HTR2A: variants seen among roughly 807,000 people sequenced by gnomAD.
HTR2A encodes the protein 5-hydroxytryptamine receptor 2A.
A neutral mutation model predicts 31.0 loss-of-function variants in HTR2A; 14 were observed. The observed-to-expected ratio is 0.45, with a 90% CI of 0.30 to 0.71. HTR2A has a LOEUF of 0.71. Among genes scored for constraint, HTR2A ranks in the 30% least tolerant of loss-of-function variants. The pLI is 0.09. For missense variants in HTR2A, 442 were observed against 573.3 expected, an observed-to-expected ratio of 0.77 and a Z score of 2.34; for synonymous variants, 209 against 225.2, an observed-to-expected ratio of 0.93 and a Z score of 0.64.
At chr13:46,852,728 C>G (rs951190768) in intron 3 of HTR2A, among the ~76,000 whole-genome samples, 2 of 152,188 alleles carry the variant, frequency 1.3e-5, no homozygotes, top group African/African-American at 4.8e-5. Context: ...CTTTCCTTGG[C>G]CTGTCCACAT....
At chr13:46,842,448 G>A (rs568961850) in intron 3 of HTR2A, among the ~76,000 whole-genome samples, 3 of 152,090 alleles carry the variant, frequency 2.0e-5, no homozygotes, top group African/African-American at 4.8e-5. Flanking sequence ...TAGAAGGTGT[G>A]GGGAGAAACA....
Position 46,832,254 on chromosome 13 carries a change from A to C in HTR2A, c.*2583T>G, listed in dbSNP as rs1483015080. The C allele has an allele frequency of 6.6e-6, 1 of 152,264 alleles. No homozygotes were observed. Among genetic ancestry groups the C allele is most frequent in the Non-Finnish European group, 1.5e-5 (1 of 68,046 alleles). The allele number at this position is 152,264 out of a possible 1,614,324, so 9.4% of individuals were successfully genotyped here. A position where few individuals can be genotyped will look rare whatever the true frequency, so the allele number is the denominator to read the frequency against. On this transcript the variant is annotated 3_prime_UTR_variant, in exon 4 of 4. Coordinates refer to ENST00000542664, the MANE Select transcript of HTR2A (RefSeq NM_000621.5). ...TATTAGAACATGAATTCACATTTAA[A>C]TAAACATGATACAAACATGCACACA...
intron 3 of HTR2A, among the ~76,000 whole-genome samples, chr13:46,890,985 C>T (rs1303497154): frequency 6.6e-6 from 1 of 152,096 alleles, no homozygotes; most frequent in Non-Finnish European, 1.5e-5. Flanking sequence ...AGAATGAGTC[C>T]AACTTGCACA....
intron 3 of HTR2A, among the ~76,000 whole-genome samples, chr13:46,873,650 T>C (rs559676505): frequency 6.6e-6 from 1 of 151,922 alleles, no homozygotes; most frequent in South Asian, 2.1e-4. Flanking sequence ...CCTGTGTCCA[T>C]GTGTTCTCAT....
intron 3 of HTR2A, among the ~76,000 whole-genome samples, chr13:46,883,519 G>A (rs757118925): frequency 3.3e-5 from 5 of 152,076 alleles, no homozygotes; most frequent in Non-Finnish European, 7.3e-5. Flanking sequence ...GTCAGAATAC[G>A]GCAATGTGAG....
intron 3 of HTR2A, among the ~76,000 whole-genome samples, chr13:46,850,393 TGCTGATGAGAAAGTGGAA>T: frequency 6.6e-6 from 1 of 152,346 alleles, no homozygotes; most frequent in South Asian, 2.1e-4. Context: ...TATCACTGTT[TGCTGATGAGAAAGTGGAA>T]GCACAGAGAA....
intron 3 of HTR2A, among the ~76,000 whole-genome samples, chr13:46,844,800 C>T (rs1950628274): frequency 6.6e-6 from 1 of 152,216 alleles, no homozygotes; most frequent in Non-Finnish European, 1.5e-5. Context: ...GCTTAACTTT[C>T]AAGCTTCCAT....
At chr13:46,875,056 GA>G (rs551370169) in intron 3 of HTR2A, among the ~76,000 whole-genome samples, 4 of 152,282 alleles carry the variant, frequency 2.6e-5, no homozygotes, top group Admixed American at 2.6e-4. Context: ...GAACACCCCT[GA>G]GTAGACAGAC....
chr13:46,895,439 A>T lies in HTR2A; in HGVS notation c.412+56T>A. 1 of 1,530,354 alleles carries T rather than the reference A, an allele frequency of 6.5e-7. No homozygotes were observed. The allele number at this position is 1,530,354 out of a possible 1,614,324, so 94.8% of individuals were successfully genotyped here. On this transcript the variant is annotated intron_variant, in intron 2 of 3. Transcript: ENST00000542664. The surrounding 1 kb of genome is among the most constrained non-coding windows in gnomAD (Gnocchi z 4.4). ...GAGCCCCATCTCATCTGCTGGTGGC[A>T]TGCACATGCTCTTTATTACCAGTGC...
chr13:46,862,989 T>C (rs1950791865), intron 3 of HTR2A, among the ~76,000 whole-genome samples: 1 of 152,026 alleles, frequency 6.6e-6, no homozygotes, highest in Non-Finnish European at 1.5e-5. Flanking sequence ...TGATATTCTT[T>C]CTGGTATAAC....
intron 3 of HTR2A, among the ~76,000 whole-genome samples, chr13:46,862,462 C>T (rs1950787305): frequency 1.3e-5 from 2 of 152,040 alleles, no homozygotes; most frequent in Non-Finnish European, 2.9e-5. Context: ...GTTAATAAAA[C>T]AAAAACAGAA....
intron 3 of HTR2A, among the ~76,000 whole-genome samples, chr13:46,876,794 C>T (rs1054497852): frequency 1.3e-5 from 2 of 152,084 alleles, no homozygotes; most frequent in African/African-American, 4.8e-5. Context: ...TTCACTGAAT[C>T]CTCACTGTGT....
intron 3 of HTR2A, among the ~76,000 whole-genome samples, chr13:46,857,086 G>A (rs1936456450): frequency 6.6e-6 from 1 of 152,030 alleles, no homozygotes; most frequent in Admixed American, 6.5e-5. Flanking sequence ...TGGATCATGA[G>A]GTCAAGAGAT....
chr13:46,856,194 T>TA (rs1368834277), intron 3 of HTR2A: 2 of 152,358 alleles, frequency 1.3e-5, no homozygotes, highest in East Asian at 1.9e-4. Flanking sequence ...TTTAAATTTC[T>TA]AAAAATTCAT....
intron 3 of HTR2A, among the ~76,000 whole-genome samples, chr13:46,862,557 C>T (rs1197446007): frequency 3.3e-5 from 5 of 152,078 alleles, no homozygotes; most frequent in Admixed American, 1.3e-4. Flanking sequence ...CCCCTTGCCC[C>T]GCATAAGAAA....
At chr13:46,880,206 T>C (rs1306161169) in intron 3 of HTR2A, among the ~76,000 whole-genome samples, 1 of 152,110 alleles carries the variant, frequency 6.6e-6, no homozygotes, top group Non-Finnish European at 1.5e-5. Flanking sequence ...GTTAGGCCAA[T>C]GAAGGAGTAG....
At chr13:46,873,433 A>ATTATTATTATT (rs1950880414) in intron 3 of HTR2A, among the ~76,000 whole-genome samples, 1 of 57,174 alleles carries the variant, frequency 1.7e-5, no homozygotes, top group Non-Finnish European at 4.3e-5. Context: ...AAAATTTATT[A>ATTATTATTATT]TTATTATTAT....
chr13:46,835,407 G>A lies in HTR2A; in HGVS notation c.846C>T (p.Ser282=), dbSNP rs773566160. The change falls in exon 4 of 4, where the codon AGC becomes AGT. Residue 282 remains serine, a synonymous_variant. Coordinates refer to ENST00000542664, the MANE Select transcript of HTR2A (RefSeq NM_000621.5). ...LGTRAKLASF[S]FLPQSSLSSE... Reference sequence around the variant, plus strand: ...AAGACAAAGAACTCTGAGGGAGGAAGCTGAAAGAAGCTAATTTGGCCCGTG... The same window carrying A: ...AAGACAAAGAACTCTGAGGGAGGAAACTGAAAGAAGCTAATTTGGCCCGTG... 2 of 1,614,132 alleles carry A rather than the reference G, an allele frequency of 1.2e-6. No individual in the cohort carries two copies. Among genetic ancestry groups the A allele is most frequent in the Non-Finnish European group, 1.7e-6 (2 of 1,180,000 alleles).
intron 3 of HTR2A, among the ~76,000 whole-genome samples, chr13:46,848,203 C>T (rs971306637): frequency 6.6e-6 from 1 of 152,090 alleles, no homozygotes; most frequent in Non-Finnish European, 1.5e-5. Flanking sequence ...ATTTTTTGTT[C>T]GTTTTGCAAC....
Sources: gnomAD v4.1 joint callset for allele counts (sites outside exome capture counted in the v4.1 genomes callset) on GRCh38, gnomAD v4.1.1 for gene constraint, Gnocchi (gnomAD v3.1) non-coding constraint, MANE v1.5 for transcripts, NCBI Gene and HGNC (gene_info 2026-07-23, HGNC 2026-07-21) for gene names.